The following SH3PXD2A variants were observed in gnomAD, a reference collection of about 807,000 sequenced individuals.
SH3PXD2A encodes SH3 and PX domains 2A, also known as SH3 and PX domain-containing protein 2A.
Under a neutral mutation model 115.2 loss-of-function variants are expected in SH3PXD2A, and 32 were observed. The ratio of observed to expected loss-of-function variants is 0.28; its 90% CI spans 0.21 to 0.37. The LOEUF is 0.37. SH3PXD2A is among the 10% of genes least tolerant of loss of function. The pLI is 1.00. For missense variants in SH3PXD2A, 1,328 were observed against 1,498.7 expected, an observed-to-expected ratio of 0.89 and a Z score of 1.88; for synonymous variants, 610 against 629.1, an observed-to-expected ratio of 0.97 and a Z score of 0.45.
At chr10:103,736,806 C>T (rs2038385871) in intron 3 of SH3PXD2A, 1 of 1,288,296 alleles carries the variant, frequency 7.8e-7, no homozygotes. Flanking sequence ...GCATCTGTTG[C>T]CTCAGTCTAC....
rs145006553 is a variant in SH3PXD2A, at chr10:103,825,500, T to C, written c.73-24138A>G. ...TTTTCTTAATTTCCTCTTTGAATTG[T>C]TCATTCGAAACTCATTACATTTACA... On this transcript the variant is annotated intron_variant, in intron 1 of 14. Transcript: ENST00000369774. Among the ~76,000 whole-genome samples the C allele has an allele frequency of 9.9e-4, 151 of 152,332 alleles. 1 individual carries two copies. Among genetic ancestry groups the C allele is most frequent in the African/African-American group, 3.5e-3 (144 of 41,578 alleles).
chr10:103,755,008 A>C (rs2038623714), intron 3 of SH3PXD2A: 1 of 152,188 alleles, frequency 6.6e-6, no homozygotes, highest in Non-Finnish European at 1.5e-5. Context: ...GTGCATGTTA[A>C]AATGCAGACG....
chr10:103,612,704 A>C, intron 12 of SH3PXD2A, 149 bp downstream of exon 12: 1 of 570,954 alleles, frequency 1.8e-6, no homozygotes, highest in Non-Finnish European at 3.1e-6. Flanking sequence ...AGCATGACAC[A>C]AGTTGACAGA....
At chr10:103,628,554 G>C (rs1382540523) in intron 8 of SH3PXD2A, among the ~76,000 whole-genome samples, 1 of 152,016 alleles carries the variant, frequency 6.6e-6, no homozygotes, top group African/African-American at 2.4e-5. Flanking sequence ...CATGATCCAG[G>C]GCCCTGTGGG....
At chr10:103,809,342 A>G (rs1448003103) in intron 1 of SH3PXD2A, among the ~76,000 whole-genome samples, 2 of 152,180 alleles carry the variant, frequency 1.3e-5, no homozygotes, top group African/African-American at 4.8e-5. Flanking sequence ...TGTATTCAGA[A>G]TCAGTCATAG....
chr10:103,836,035 G>A (rs1444603782), intron 1 of SH3PXD2A, among the ~76,000 whole-genome samples: 1 of 152,164 alleles, frequency 6.6e-6, no homozygotes, highest in Non-Finnish European at 1.5e-5. Flanking sequence ...CCTTGAGTGA[G>A]TGACTCAGCC....
chr10:103,627,784 G>C lies in SH3PXD2A; in HGVS notation c.605-582C>G, dbSNP rs1045404504. Among the ~76,000 whole-genome samples, 1 of 152,228 alleles carries C rather than the reference G, an allele frequency of 6.6e-6. No homozygotes were observed. The highest frequency in any genetic ancestry group is 2.1e-4 in the South Asian group (1 of 4,828). On this transcript the variant is annotated intron_variant, in intron 8 of 14. Coordinates refer to ENST00000369774, the MANE Select transcript of SH3PXD2A (RefSeq NM_001394015.1). The surrounding 1 kb of genome is among the most constrained non-coding windows in gnomAD (Gnocchi z 4.4). ...GCTGATGCTTGACGATCATGGCCACGTGATAAAGCCTCATTCATCTTATTT... is the reference window on the plus strand; with the variant it reads ...GCTGATGCTTGACGATCATGGCCACCTGATAAAGCCTCATTCATCTTATTT...
chr10:103,841,427 C>A (rs571226908), intron 1 of SH3PXD2A, among the ~76,000 whole-genome samples: 5 of 152,120 alleles, frequency 3.3e-5, no homozygotes, highest in African/African-American at 1.2e-4. Flanking sequence ...CTACCCATGA[C>A]GCTGCTGATG....
chr10:103,819,311 G>T (rs1011613141), intron 1 of SH3PXD2A, among the ~76,000 whole-genome samples: 1 of 152,176 alleles, frequency 6.6e-6, no homozygotes, highest in Non-Finnish European at 1.5e-5. Flanking sequence ...AGGCTTCCTA[G>T]CAGAGGTGAT....
At chr10:103,661,453 C>G (rs575342185) in intron 7 of SH3PXD2A, among the ~76,000 whole-genome samples, 1 of 152,300 alleles carries the variant, frequency 6.6e-6, no homozygotes, top group South Asian at 2.1e-4. Context: ...TTAGTCACAG[C>G]CCGGCATGAG....
At chr10:103,693,153 C>A (rs889911206) in intron 5 of SH3PXD2A, 97 bp from the exon 6 acceptor site, 153 of 944,962 alleles carry the variant, frequency 1.6e-4, no homozygotes, top group Non-Finnish European at 2.4e-4. Context: ...GCGGTCGGTC[C>A]CCGGTGCCGC....
At chr10:103,728,341 T>A (rs915533106) in intron 4 of SH3PXD2A, among the ~76,000 whole-genome samples, 2 of 152,330 alleles carry the variant, frequency 1.3e-5, no homozygotes, top group South Asian at 4.1e-4. Context: ...ATGTGAGCCG[T>A]GATAACATTA....
chr10:103,833,583 TAA>T (rs1468012526), intron 1 of SH3PXD2A, among the ~76,000 whole-genome samples: 1 of 152,232 alleles, frequency 6.6e-6, no homozygotes, highest in Non-Finnish European at 1.5e-5. Flanking sequence ...AATCTTTTTT[TAA>T]AAGTTATAAT....
chr10:103,751,952 T>C (rs574950040), intron 3 of SH3PXD2A, among the ~76,000 whole-genome samples: 1 of 152,332 alleles, frequency 6.6e-6, no homozygotes, highest in Admixed American at 6.5e-5. Context: ...GGGGCACTGT[T>C]ATTTATAGAT....
chr10:103,742,697 G>A (rs1169043311), intron 3 of SH3PXD2A, among the ~76,000 whole-genome samples: 7 of 152,174 alleles, frequency 4.6e-5, no homozygotes, highest in African/African-American at 1.7e-4. Flanking sequence ...CTGGCATGGC[G>A]CTGGGTGAAA....
chr10:103,677,937 G>A (rs745480661), intron 6 of SH3PXD2A: 24 of 420,868 alleles, frequency 5.7e-5, no homozygotes, highest in Admixed American at 2.6e-5. Context: ...CTTGGCCTCC[G>A]GAACCACATA....
intron 5 of SH3PXD2A, among the ~76,000 whole-genome samples, chr10:103,699,751 C>T (rs1404055960): frequency 1.3e-5 from 2 of 152,214 alleles, no homozygotes; most frequent in African/African-American, 2.4e-5. Flanking sequence ...CCCATTTGCT[C>T]CCTGATCTAA....
At chr10:103,635,794 G>A (rs2036855986) in intron 8 of SH3PXD2A, among the ~76,000 whole-genome samples, 1 of 152,198 alleles carries the variant, frequency 6.6e-6, no homozygotes, top group East Asian at 1.9e-4. Context: ...GATGGCAGAG[G>A]CCCAGAAAGA....
At chr10:103,801,454 G>A (rs2039145739) in intron 1 of SH3PXD2A, 92 bp from the exon 2 acceptor site, 7 of 760,474 alleles carry the variant, frequency 9.2e-6, no homozygotes, top group Non-Finnish European at 1.6e-5. Context: ...TGTTCCATAT[G>A]GCAGGACCAC....
Sources: gnomAD v4.1 joint callset for allele counts (sites outside exome capture counted in the v4.1 genomes callset) on GRCh38, gnomAD v4.1.1 for gene constraint, Gnocchi (gnomAD v3.1) non-coding constraint, MANE v1.5 for transcripts, NCBI Gene and HGNC (gene_info 2026-07-23, HGNC 2026-07-21) for gene names.